The following CYP24A1 variants were observed in gnomAD, a reference collection of about 807,000 sequenced individuals.
The protein encoded by CYP24A1 is 1,25-dihydroxyvitamin D(3) 24-hydroxylase, mitochondrial.
Under a neutral mutation model 62.4 loss-of-function variants are expected in CYP24A1, and 68 were observed. The ratio of observed to expected loss-of-function variants is 1.09; its 90% CI spans 0.90 to 1.33. CYP24A1 has a LOEUF of 1.33. Among genes scored for constraint, CYP24A1 ranks in the 40% most tolerant of loss-of-function variants. The pLI is 0.00. For missense variants in CYP24A1, 787 were observed against 653.0 expected (o/e 1.21, Z -2.24); for synonymous variants, 267 against 253.0 (o/e 1.06, Z -0.52).
intron 2 of CYP24A1, chr20:54,171,905 C>A: frequency 2.8e-6 from 3 of 1,059,180 alleles, no homozygotes; most frequent in African/African-American, 1.6e-5. Flanking sequence ...AAGATTGCAC[C>A]AAAAAGTTGA....
chr20:54,143,572 C>A, the CYP24A1 span, among the ~76,000 whole-genome samples: 3 of 151,770 alleles, frequency 2.0e-5, no homozygotes, highest in Non-Finnish European at 4.4e-5. Context: ...TTTTTTATTT[C>A]CATAGGTTTT....
rs1215010602 is a variant in CYP24A1, at chr20:54,169,692, CA to C, written c.544-5del. The C allele has an allele frequency of 2.5e-6, 4 of 1,613,988 alleles. No homozygotes were observed. The Admixed American group carries it at 6.7e-5, about 27-fold the overall frequency. ...TGCCCATAAAATCGGCCAAGACCTT[CA>C]AAGAAAACAACCGCAAAAGACACAT... On this transcript the variant is annotated splice_polypyrimidine_tract_variant and splice_region_variant and intron_variant, in intron 3 of 11. Coordinates refer to ENST00000216862, the MANE Select transcript of CYP24A1 (RefSeq NM_000782.5).
Position 54,158,224 on chromosome 20 carries a change from C to A in CYP24A1, c.1158-60G>T. The A allele has an allele frequency of 1.9e-6, 3 of 1,607,160 alleles. No individual in the cohort carries two copies. The South Asian group carries it at 3.3e-5, about 18-fold the overall frequency. On this transcript the variant is annotated intron_variant, in intron 8 of 11. Transcript: ENST00000216862. ...ACAGTCTAAGTTCTCTCTGAAGTGT[C>A]AATGGGAATGCAGATTGGATTAAAT...
At chr20:54,159,212 T>C in intron 7 of CYP24A1, 89 bp from the exon 8 acceptor site, 1 of 997,412 alleles carries the variant, frequency 1.0e-6, no homozygotes, top group Non-Finnish European at 1.6e-6. Flanking sequence ...CCCACCACCT[T>C]ATTCTGCAAA....
At chr20:54,147,527 C>T in the CYP24A1 span, among the ~76,000 whole-genome samples, 1 of 152,142 alleles carries the variant, frequency 6.6e-6, no homozygotes, top group African/African-American at 2.4e-5. Flanking sequence ...CCACACAGAC[C>T]AGGACCTCTG....
rs1568966169 is a variant in CYP24A1 at position 54,158,091 on chromosome 20, T to C, written c.1231A>G (p.Lys411Glu). 1.9e-6 allele frequency: 3 copies of C among 1,613,758 alleles called. No homozygotes were observed. Among genetic ancestry groups the C allele is most frequent in the Non-Finnish European group, 2.5e-6 (3 of 1,180,022 alleles). ...AATATACAAATTCTACTTACTCCTT[T>C]GGGTAAAGCATATTCACCCAGAACT... is the stretch of plus-strand genomic sequence containing the variant. ...ATVLGEYALPKGTVLMLNTQV... is the reference protein window; with the variant it reads ...ATVLGEYALPEGTVLMLNTQV... The change falls in exon 9 of 12, where the codon AAA becomes GAA. Residue 411 changes from lysine (K) to glutamate (E), a missense_variant. Physicochemically the swap from Lys to Glu is moderately conservative, Grantham distance 56. Coordinates refer to ENST00000216862, the MANE Select transcript of CYP24A1 (RefSeq NM_000782.5).
the CYP24A1 span, among the ~76,000 whole-genome samples, chr20:54,147,489 C>A: frequency 1.3e-5 from 2 of 152,278 alleles, no homozygotes; most frequent in Middle Eastern, 6.8e-3. Context: ...AGGATTAGCT[C>A]CAGCTGATGG....
chr20:54,164,404 C>CG (rs760886293), intron 6 of CYP24A1, 48 bp downstream of exon 6: 2 of 1,613,504 alleles, frequency 1.2e-6, no homozygotes, highest in African/African-American at 2.7e-5. Flanking sequence ...GCTCCAGACA[C>CG]GGGGGTGCTG....
Position 54,173,290 on chromosome 20 carries a change from GGAGA to G in CYP24A1, c.258+28_258+31del. The G allele has an allele frequency of 6.3e-7, 1 of 1,593,116 alleles. No individual in the cohort carries two copies. The highest frequency in any genetic ancestry group is 8.6e-7 in the Non-Finnish European group (1 of 1,162,960). On this transcript the variant is annotated intron_variant, in intron 1 of 11. Coordinates refer to ENST00000216862, the MANE Select transcript of CYP24A1 (RefSeq NM_000782.5). This position sits in a 1 kb window ranked among gnomAD's most constrained non-coding sequence, Gnocchi z 7.2. ...CGCCACTGGGAGGGCGGAAGAGGGA[GGAGA>G]GAGTCAGGGGCGCGAAAAGGGGTTT...
intron 5 of CYP24A1, among the ~76,000 whole-genome samples, chr20:54,165,500 C>T (rs1601137807): frequency 6.6e-6 from 1 of 152,202 alleles, no homozygotes; most frequent in Non-Finnish European, 1.5e-5. Flanking sequence ...GCCCCACCAC[C>T]CTGCCCTGTC....
intron 3 of CYP24A1, 45 bp from the exon 4 acceptor site, chr20:54,169,733 A>C (rs779393762): frequency 1.2e-6 from 2 of 1,612,340 alleles, no homozygotes; most frequent in Non-Finnish European, 1.7e-6. Context: ...AAGCCGTTGA[A>C]GGAAAACAAA....
chr20:54,151,252 G>C (rs558521787), downstream of CYP24A1, among the ~76,000 whole-genome samples: 4 of 152,138 alleles, frequency 2.6e-5, no homozygotes, highest in Non-Finnish European at 5.9e-5. Context: ...GGAACTTCCT[G>C]ATGTTGCCAT....
chr20:54,157,955 A>C, intron 9 of CYP24A1, 131 bp downstream of exon 9: 1 of 1,468,170 alleles, frequency 6.8e-7, no homozygotes, highest in South Asian at 1.3e-5. Flanking sequence ...CAACATGTCA[A>C]CTATTCTCTA....
At chr20:54,152,988 G>A (rs1158983475), downstream of CYP24A1, among the ~76,000 whole-genome samples, 1 of 152,198 alleles carries the variant, frequency 6.6e-6, no homozygotes, top group Non-Finnish European at 1.5e-5. Context: ...GGCTGTTGTA[G>A]GTCTTTCATT....
At chr20:54,143,596 G>A in the CYP24A1 span, among the ~76,000 whole-genome samples, 1 of 151,786 alleles carries the variant, frequency 6.6e-6, no homozygotes, top group Non-Finnish European at 1.5e-5. Context: ...GGAACAGGTG[G>A]TATTTGGTTA....
chr20:54,169,948 T>A (rs1209395046), intron 3 of CYP24A1, among the ~76,000 whole-genome samples: 2 of 151,362 alleles, frequency 1.3e-5, no homozygotes, highest in African/African-American at 4.9e-5. Context: ...TAAAAATAAT[T>A]CTGGCAATTT....
chr20:54,158,880 A>G, intron 8 of CYP24A1, 77 bp downstream of exon 8: 3 of 1,610,194 alleles, frequency 1.9e-6, no homozygotes, highest in Non-Finnish European at 2.5e-6. Flanking sequence ...GCCGCCCATG[A>G]GTAGGGGACC....
At chr20:54,146,106 A>G in the CYP24A1 span, among the ~76,000 whole-genome samples, 1 of 152,206 alleles carries the variant, frequency 6.6e-6, no homozygotes, top group African/African-American at 2.4e-5. Flanking sequence ...AAAAAAATCA[A>G]TGTAATACAC....
intron 7 of CYP24A1, among the ~76,000 whole-genome samples, chr20:54,160,224 G>A (rs1216906478): frequency 6.6e-6 from 1 of 152,200 alleles, no homozygotes; most frequent in Non-Finnish European, 1.5e-5. Flanking sequence ...TACAGTTTCT[G>A]ACAAAGGCCC....
Sources: allele counts gnomAD v4.1 joint callset (sites outside exome capture counted in the v4.1 genomes callset), GRCh38; gene constraint gnomAD v4.1.1; non-coding constraint Gnocchi (gnomAD v3.1); transcripts MANE v1.5; gene names NCBI Gene and HGNC (gene_info 2026-07-23, HGNC 2026-07-21).